The following EPHA6 variants were observed in gnomAD, a reference collection of about 807,000 sequenced individuals.
EPHA6 encodes EPH receptor A6, also known as ephrin type-A receptor 6.
In EPHA6, 50 loss-of-function variants were observed where a neutral mutation model predicts 112.0. That is an observed-to-expected ratio of 0.45 (90% CI 0.36 to 0.56). The LOEUF is 0.56. Among genes scored for constraint, EPHA6 ranks in the 20% least tolerant of loss-of-function variants. The pLI is 0.00. For missense variants in EPHA6, 1,280 were observed against 1,417.4 expected, an observed-to-expected ratio of 0.90 and a Z score of 1.56; for synonymous variants, 529 against 490.7, an observed-to-expected ratio of 1.08 and a Z score of -1.03.
At chr3:96,833,365 T>C (rs2034206714) in intron 1 of EPHA6, among the ~76,000 whole-genome samples, 1 of 151,712 alleles carries the variant, frequency 6.6e-6, no homozygotes, top group Admixed American at 6.6e-5. Context: ...GAATGGATTC[T>C]CCCTCATAGC....
chr3:97,541,467 CTT>C (rs2092849433), intron 11 of EPHA6, among the ~76,000 whole-genome samples: 1 of 152,118 alleles, frequency 6.6e-6, no homozygotes, highest in Non-Finnish European at 1.5e-5. Context: ...ACTTAAAAGA[CTT>C]TTGCATCAAC....
intron 14 of EPHA6, among the ~76,000 whole-genome samples, chr3:97,675,834 A>G (rs1348264626): frequency 2.6e-5 from 4 of 152,220 alleles, no homozygotes; most frequent in Non-Finnish European, 5.9e-5. Flanking sequence ...TGCCTTTTGC[A>G]AATTCTAAAA....
At chr3:97,188,405 A>G (rs1214190405) in intron 3 of EPHA6, among the ~76,000 whole-genome samples, 1 of 152,042 alleles carries the variant, frequency 6.6e-6, no homozygotes, top group Non-Finnish European at 1.5e-5. Flanking sequence ...TATATTATTT[A>G]TTTACGTATT....
At chr3:97,684,165 A>G (rs1180447865) in intron 14 of EPHA6, among the ~76,000 whole-genome samples, 1 of 152,204 alleles carries the variant, frequency 6.6e-6, no homozygotes, top group African/African-American at 2.4e-5. Flanking sequence ...TATCCACATT[A>G]GTATGTGCTT....
chr3:97,683,860 A>G (rs945016177), intron 14 of EPHA6, among the ~76,000 whole-genome samples: 64 of 152,278 alleles, frequency 4.2e-4, no homozygotes, highest in African/African-American at 1.5e-3. Flanking sequence ...TTGTTCATTA[A>G]GCTGTCCCAG....
chr3:97,641,644 C>T (rs1031533982), intron 14 of EPHA6, among the ~76,000 whole-genome samples: 4 of 152,100 alleles, frequency 2.6e-5, no homozygotes, highest in Non-Finnish European at 5.9e-5. Context: ...CGCAAGGGGT[C>T]GGAGTTCCCT....
intron 1 of EPHA6, among the ~76,000 whole-genome samples, chr3:96,853,947 CTACT>C (rs1252954820): frequency 6.6e-6 from 1 of 151,944 alleles, no homozygotes; most frequent in Non-Finnish European, 1.5e-5. Context: ...TATTTTGCAA[CTACT>C]TAAAGATTTT....
intron 3 of EPHA6, among the ~76,000 whole-genome samples, chr3:97,019,121 A>G (rs1468332268): frequency 6.6e-6 from 1 of 152,192 alleles, no homozygotes; most frequent in Non-Finnish European, 1.5e-5. Flanking sequence ...AATGATATTC[A>G]TATATAATCA....
At chr3:97,088,957 G>A (rs543841393) in intron 3 of EPHA6, among the ~76,000 whole-genome samples, 22 of 152,254 alleles carry the variant, frequency 1.4e-4, no homozygotes, top group African/African-American at 5.3e-4. Flanking sequence ...TCTAAGGGCA[G>A]CATTCAGTAT....
intron 6 of EPHA6, among the ~76,000 whole-genome samples, chr3:97,424,898 A>G (rs936992744): frequency 1.3e-5 from 2 of 152,182 alleles, no homozygotes; most frequent in Non-Finnish European, 2.9e-5. Flanking sequence ...CATGGGAGAA[A>G]TTGGACAAAA....
intron 3 of EPHA6, among the ~76,000 whole-genome samples, chr3:97,191,745 G>A (rs752794426): frequency 6.6e-6 from 1 of 152,054 alleles, no homozygotes; most frequent in Non-Finnish European, 1.5e-5. Flanking sequence ...TGAACACTTA[G>A]GTGGCTTCCA....
At chr3:97,481,183 A>G in intron 9 of EPHA6, 1 of 1,022,546 alleles carries the variant, frequency 9.8e-7, no homozygotes, top group Non-Finnish European at 1.5e-6. Flanking sequence ...CAGCCGAACA[A>G]TTTCCTCATG....
At chr3:96,841,156 G>T (rs1270959479) in intron 1 of EPHA6, among the ~76,000 whole-genome samples, 1 of 152,086 alleles carries the variant, frequency 6.6e-6, no homozygotes, top group Non-Finnish European at 1.5e-5. Context: ...GGAACAACTC[G>T]AGGTGAAGGC....
intron 1 of EPHA6, among the ~76,000 whole-genome samples, chr3:96,823,144 T>C (rs77282033): frequency 0.018 from 2,723 of 151,824 alleles, 69 homozygotes; most frequent in African/African-American, 0.049. Flanking sequence ...CATATGTTGA[T>C]ATAAAATGAC....
intron 3 of EPHA6, among the ~76,000 whole-genome samples, chr3:97,176,751 A>C (rs542559366): frequency 6.6e-6 from 1 of 151,074 alleles, no homozygotes; most frequent in South Asian, 2.1e-4. Flanking sequence ...CTCCTCTTTC[A>C]TTTCTGATTT....
intron 2 of EPHA6, among the ~76,000 whole-genome samples, chr3:96,927,844 G>A (rs1007771727): frequency 6.6e-6 from 1 of 152,164 alleles, no homozygotes; most frequent in South Asian, 2.1e-4. Context: ...CTGCTATAAA[G>A]ATACTACCTG....
chr3:97,185,823 A>C (rs1027363844), intron 3 of EPHA6, among the ~76,000 whole-genome samples: 1 of 152,138 alleles, frequency 6.6e-6, no homozygotes, highest in African/African-American at 2.4e-5. Flanking sequence ...CAAATGTCCA[A>C]CAATGATAGA....
rs971534276 is a variant in EPHA6, at chr3:97,014,441, C to G, written c.1114+26448C>G. Among the ~76,000 whole-genome samples, 10 of 151,162 alleles carry G rather than the reference C, an allele frequency of 6.6e-5. No individual in the cohort carries two copies. In the Admixed American group the frequency reaches 6.6e-4, roughly 10 times the overall value. ...TCTTTCCCTCCCACCTTCCTTCTTC[C>G]TTTCCTTTCCTTTCCTTCTTTCCTT... On this transcript the variant is annotated intron_variant, in intron 3 of 17. Coordinates refer to ENST00000389672, the MANE Select transcript of EPHA6 (RefSeq NM_001080448.3).
chr3:97,299,642 G>A (rs544616570), intron 5 of EPHA6, among the ~76,000 whole-genome samples: 30 of 152,188 alleles, frequency 2.0e-4, no homozygotes, highest in Admixed American at 1.6e-3. Context: ...AGAAGATGAC[G>A]TCCATGATGT....
Sources: gnomAD v4.1 joint callset for allele counts (sites outside exome capture counted in the v4.1 genomes callset) on GRCh38, gnomAD v4.1.1 for gene constraint, MANE v1.5 for transcripts, NCBI Gene and HGNC (gene_info 2026-07-23, HGNC 2026-07-21) for gene names.